MITF: variants seen among roughly 807,000 people sequenced by gnomAD.
MITF encodes the protein melanocyte inducing transcription factor.
In MITF, 17 loss-of-function variants were observed where a neutral mutation model predicts 60.5. The ratio of observed to expected loss-of-function variants is 0.28; its 90% confidence interval spans 0.19 to 0.42. The LOEUF is 0.42. Among genes scored for constraint, MITF ranks in the 10% least tolerant of loss-of-function variants. The pLI is 1.00. For missense variants in MITF, 622 were observed against 683.5 expected (o/e 0.91, Z 1.00); for synonymous variants, 260 against 248.5 (o/e 1.05, Z -0.43).
chr3:69,944,347 T>C (rs1423427419), intron 5 of MITF, among the ~76,000 whole-genome samples: 1 of 152,002 alleles, frequency 6.6e-6, no homozygotes, highest in East Asian at 1.9e-4. Context: ...CTTTTAGCCC[T>C]TGAGGGGAGA....
chr3:69,959,650 GC>G (rs2066491403), intron 9 of MITF, among the ~76,000 whole-genome samples: 1 of 152,186 alleles, frequency 6.6e-6, no homozygotes, highest in African/African-American at 2.4e-5. Context: ...CGTTTGAGCT[GC>G]CCATGGCACG....
intron 1 of MITF, chr3:69,779,168 G>C (rs987559853): frequency 6.6e-6 from 1 of 152,170 alleles, no homozygotes; most frequent in African/African-American, 2.4e-5. Flanking sequence ...CAGTCATTCT[G>C]AGGCATAGCA....
chr3:69,834,779 A>G (rs2063511526), intron 1 of MITF, among the ~76,000 whole-genome samples: 1 of 151,438 alleles, frequency 6.6e-6, no homozygotes, highest in African/African-American at 2.4e-5. Flanking sequence ...GTACTAATTT[A>G]CAATCTCTCT....
intron 2 of MITF, among the ~76,000 whole-genome samples, chr3:69,927,877 T>C (rs997831180): frequency 6.6e-6 from 1 of 152,362 alleles, no homozygotes; most frequent in Middle Eastern, 3.4e-3. Flanking sequence ...ACTATATGGC[T>C]TCCTTATAAT....
chr3:69,957,513 T>C (rs1284808346), intron 8 of MITF, among the ~76,000 whole-genome samples: 1 of 152,152 alleles, frequency 6.6e-6, no homozygotes, highest in Non-Finnish European at 1.5e-5. Flanking sequence ...CTTTCCCAGG[T>C]TTCAAGGAAA....
At chr3:69,936,845 G>A in intron 2 of MITF, 1 of 1,181,398 alleles carries the variant, frequency 8.5e-7, no homozygotes. Flanking sequence ...TAGACATACT[G>A]TTTTCAATAA....
At chr3:69,925,867 G>A (rs1035291860) in intron 2 of MITF, among the ~76,000 whole-genome samples, 1 of 152,122 alleles carries the variant, frequency 6.6e-6, no homozygotes, top group African/African-American at 2.4e-5. Flanking sequence ...TGTTGCAATG[G>A]CCTTTTTTTC....
chr3:69,852,574 G>T (rs1297084484), intron 1 of MITF, among the ~76,000 whole-genome samples: 2 of 152,164 alleles, frequency 1.3e-5, no homozygotes, highest in Admixed American at 6.5e-5. Flanking sequence ...TGGGAATTTG[G>T]TTTGCCTAGA....
intron 7 of MITF, among the ~76,000 whole-genome samples, chr3:69,954,366 T>G (rs1299803954): frequency 6.6e-6 from 1 of 152,170 alleles, no homozygotes; most frequent in East Asian, 1.9e-4. Context: ...GGCAGAAAGT[T>G]CCACGTGGAG....
chr3:69,763,657 G>A (rs1195318938), intron 1 of MITF: 4 of 1,256,686 alleles, frequency 3.2e-6, no homozygotes, highest in African/African-American at 3.1e-5. Flanking sequence ...CGGTTCAGTG[G>A]ACTCAATGTT....
intron 9 of MITF, among the ~76,000 whole-genome samples, chr3:69,961,864 G>A (rs938323816): frequency 3.3e-5 from 5 of 152,168 alleles, no homozygotes; most frequent in South Asian, 4.1e-4. Flanking sequence ...TATGAAATAC[G>A]AATATTGTGA....
At chr3:69,964,077 A>G (rs978628184) in intron 9 of MITF, among the ~76,000 whole-genome samples, 3 of 145,424 alleles carry the variant, frequency 2.1e-5, no homozygotes, top group Non-Finnish European at 4.5e-5. Context: ...CCCAGGTTCA[A>G]ACGATTCTCC....
At chr3:69,861,550 C>T (rs1002851410) in intron 1 of MITF, among the ~76,000 whole-genome samples, 6 of 152,146 alleles carry the variant, frequency 3.9e-5, no homozygotes, top group Non-Finnish European at 5.9e-5. Context: ...AGGCGCCAGG[C>T]CAGGGAAGGA....
intron 1 of MITF, among the ~76,000 whole-genome samples, chr3:69,810,852 C>A (rs2063089885): frequency 6.6e-6 from 1 of 152,104 alleles, no homozygotes; most frequent in Admixed American, 6.5e-5. Context: ...TATATTTTAC[C>A]TAATATTTGT....
At chr3:69,961,400 A>C (rs1003461776) in intron 9 of MITF, among the ~76,000 whole-genome samples, 1 of 146,980 alleles carries the variant, frequency 6.8e-6, no homozygotes, top group Non-Finnish European at 1.5e-5. Context: ...ACAAAAAAAT[A>C]AAAATAAAAA....
At chr3:69,824,083 T>C (rs2063318585) in intron 1 of MITF, among the ~76,000 whole-genome samples, 1 of 152,362 alleles carries the variant, frequency 6.6e-6, no homozygotes, top group Middle Eastern at 3.4e-3. Flanking sequence ...CTGTCAGCAT[T>C]TGTCAGAAGA....
intron 1 of MITF, among the ~76,000 whole-genome samples, chr3:69,815,015 C>G (rs892110469): frequency 6.6e-6 from 1 of 152,118 alleles, no homozygotes; most frequent in Non-Finnish European, 1.5e-5. Flanking sequence ...TAAACTGGTA[C>G]AGGATGGCTC....
chr3:69,784,727 G>A (rs980129518), intron 1 of MITF, among the ~76,000 whole-genome samples: 4 of 152,142 alleles, frequency 2.6e-5, no homozygotes, highest in Non-Finnish European at 5.9e-5. Flanking sequence ...ACTTTTCCAG[G>A]TGACTTGGAT....
chr3:69,854,798 T>C (rs941678912), intron 1 of MITF, among the ~76,000 whole-genome samples: 2 of 152,290 alleles, frequency 1.3e-5, no homozygotes, highest in African/African-American at 4.8e-5. Flanking sequence ...GTTTCTCTGT[T>C]TGCAAAAACC....
Sources: allele counts gnomAD v4.1 joint callset (sites outside exome capture counted in the v4.1 genomes callset), GRCh38; gene constraint gnomAD v4.1.1; transcripts MANE v1.5; gene names NCBI Gene and HGNC (gene_info 2026-07-23, HGNC 2026-07-21).